The following METTL22 variants were observed in gnomAD, a reference collection of about 807,000 sequenced individuals.
METTL22 encodes methyltransferase-like protein 22.
A neutral mutation model predicts 48.4 loss-of-function variants in METTL22; 51 were observed. The ratio of observed to expected loss-of-function variants is 1.05; its 90% CI spans 0.84 to 1.33. The LOEUF (loss-of-function observed/expected upper bound fraction) is 1.33. METTL22 is among the 40% of genes most tolerant of loss of function. The pLI, the probability that METTL22 is intolerant of heterozygous loss-of-function variation, is 0.00. For synonymous variants in METTL22, 255 were observed against 214.1 expected, an observed-to-expected ratio of 1.19 and a Z score of -1.67; for missense variants, 678 against 526.9, an observed-to-expected ratio of 1.29 and a Z score of -2.81.
intron 6 of METTL22, 102 bp from the exon 7 acceptor site, chr16:8,641,029 G>A: frequency 9.2e-7 from 1 of 1,083,512 alleles, no homozygotes; most frequent in Non-Finnish European, 1.4e-6. Flanking sequence ...AGCAAGGGTG[G>A]GTGGGTGGAT....
chr16:8,642,363 C>T (rs1040170868), intron 8 of METTL22, 100 bp from the exon 9 acceptor site: 11 of 1,295,436 alleles, frequency 8.5e-6, no homozygotes, highest in South Asian at 5.9e-5. Context: ...GCTGCTGTTC[C>T]GTGGTGATAA....
intron 3 of METTL22, among the ~76,000 whole-genome samples, chr16:8,630,784 C>G (rs2056234023): frequency 6.6e-6 from 1 of 152,214 alleles, no homozygotes; most frequent in Non-Finnish European, 1.5e-5. Context: ...TGGAAGTTCA[C>G]TTTTTCAGCT....
At chr16:8,655,523 C>T in the METTL22 span, among the ~76,000 whole-genome samples, 6 of 152,318 alleles carry the variant, frequency 3.9e-5, no homozygotes, top group African/African-American at 1.2e-4. Context: ...AGTGACACTC[C>T]GTCACTTTTG....
chr16:8,630,368 G>C (rs980371830), intron 3 of METTL22, among the ~76,000 whole-genome samples: 1 of 152,180 alleles, frequency 6.6e-6, no homozygotes, highest in Non-Finnish European at 1.5e-5. Flanking sequence ...ATTTCACAGA[G>C]GAAGAGACTG....
At chr16:8,661,644 CA>C in the METTL22 span, among the ~76,000 whole-genome samples, 30 of 110,552 alleles carry the variant, frequency 2.7e-4, no homozygotes, top group African/African-American at 3.0e-4. Context: ...GACTCCGTCT[CA>C]AAAAAAAAAA....
At chr16:8,659,406 G>A in the METTL22 span, among the ~76,000 whole-genome samples, 1 of 151,696 alleles carries the variant, frequency 6.6e-6, no homozygotes, top group Admixed American at 6.6e-5. Context: ...TGACAGAGCT[G>A]GCATCATATG....
the METTL22 span, among the ~76,000 whole-genome samples, chr16:8,661,246 G>T: frequency 1.3e-5 from 2 of 152,048 alleles, no homozygotes; most frequent in African/African-American, 4.8e-5. Flanking sequence ...ACTCTCGGGG[G>T]ACCCTAACTA....
intron 7 of METTL22, 147 bp from the exon 8 acceptor site, chr16:8,641,980 G>T (rs2141796865): frequency 3.0e-6 from 2 of 663,178 alleles, no homozygotes; most frequent in African/African-American, 1.8e-5. Context: ...CTGAAGCAGG[G>T]AGTCTGGTCT....
At chr16:8,635,421 T>A (rs1051738540) in intron 5 of METTL22, 109 bp downstream of exon 5, 130 of 1,346,208 alleles carry the variant, frequency 9.7e-5, no homozygotes, top group Non-Finnish European at 1.2e-4. Flanking sequence ...TTAGCTGTTG[T>A]TGATTTTGCC....
In METTL22 at chr16:8,646,097, G is replaced by C. The variant is rs1641070; in HGVS notation, c.1180-11G>C. The C allele has an allele frequency of 5.0e-6, 8 of 1,612,492 alleles. No individual in the cohort carries two copies. The highest frequency in any genetic ancestry group is 1.3e-5 in the African/African-American group (1 of 74,698). The stretch of plus-strand genomic sequence containing the variant: ...ACTTCAGAAACCTGTTCTTTTCTCT[G>C]TTTGCTGCAGGAGCTCTGGAAGATC... On this transcript the variant is annotated splice_polypyrimidine_tract_variant and intron_variant, in intron 10 of 10. Coordinates refer to ENST00000381920, the MANE Select transcript of METTL22 (RefSeq NM_024109.4).
chr16:8,666,862 C>G, the METTL22 span: 1 of 151,474 alleles, frequency 6.6e-6, no homozygotes, highest in Non-Finnish European at 1.5e-5. Flanking sequence ...TCTCGGCTCA[C>G]TGCAACCTCC....
chr16:8,657,824 C>CTTTTTTTTTTTTTTTTTTTTTTTTTTTT, the METTL22 span, among the ~76,000 whole-genome samples: 2 of 137,432 alleles, frequency 1.5e-5, no homozygotes, highest in African/African-American at 5.8e-5. Context: ...TCTTTTCTTT[C>CTTTTTTTTTTTTTTTTTTTTTTTTTTTT]TTTTTTTTTT....
intron 3 of METTL22, among the ~76,000 whole-genome samples, chr16:8,630,034 G>T (rs2056202210): frequency 1.3e-5 from 2 of 151,900 alleles, no homozygotes; most frequent in African/African-American, 4.8e-5. Flanking sequence ...CTCATTTGGG[G>T]AGCGGAGCTG....
intron 6 of METTL22, among the ~76,000 whole-genome samples, chr16:8,640,433 C>T (rs2056560665): frequency 6.6e-6 from 1 of 151,622 alleles, no homozygotes; most frequent in Non-Finnish European, 1.5e-5. Flanking sequence ...TCTTTATTTT[C>T]CCTATGTCTG....
chr16:8,636,668 G>C (rs555799570), intron 5 of METTL22, among the ~76,000 whole-genome samples: 1 of 120,810 alleles, frequency 8.3e-6, no homozygotes, highest in Non-Finnish European at 1.7e-5. Context: ...TTTTGCATTT[G>C]TCAGTTACAC....
In METTL22 at chr16:8,642,457, C is replaced by G. The variant is rs1456854805; in HGVS notation, c.908-6C>G. On this transcript the variant is annotated splice_region_variant and splice_polypyrimidine_tract_variant and intron_variant, in intron 8 of 10. Transcript: ENST00000381920. ...CCTCTAATGCTGGCCTTTTTGCTTC[C>G]CACAGTGTTTTACGACGACGACTTG... 6.2e-7 allele frequency: 1 copy of G among 1,613,766 alleles called. No individual in the cohort carries two copies. Among genetic ancestry groups the G allele is most frequent in the Non-Finnish European group, 8.5e-7 (1 of 1,179,808 alleles).
the METTL22 span, among the ~76,000 whole-genome samples, chr16:8,660,850 GGA>G: frequency 1.6e-4 from 3 of 19,270 alleles, no homozygotes; most frequent in Non-Finnish European, 3.9e-4. Flanking sequence ...GGGAGGAGGG[GGA>G]GGAGGAAGAG....
At chr16:8,663,283 C>G in the METTL22 span, among the ~76,000 whole-genome samples, 2 of 149,992 alleles carry the variant, frequency 1.3e-5, no homozygotes, top group African/African-American at 4.9e-5. Flanking sequence ...TGTTGCATTT[C>G]TATTAACTGT....
chr16:8,626,871 A>G (rs921818063), intron 2 of METTL22, among the ~76,000 whole-genome samples: 1 of 135,936 alleles, frequency 7.4e-6, no homozygotes, highest in African/African-American at 2.8e-5. Context: ...GGTTCACGCC[A>G]TTCTCCTGCC....
Sources: gnomAD v4.1 joint callset for allele counts (sites outside exome capture counted in the v4.1 genomes callset) on GRCh38, gnomAD v4.1.1 for gene constraint, MANE v1.5 for transcripts, NCBI Gene and HGNC (gene_info 2026-07-23, HGNC 2026-07-21) for gene names.